DLGAP2: variants seen among roughly 807,000 people sequenced by gnomAD.
DLGAP2 encodes the protein disks large-associated protein 2.
Under a neutral mutation model 100.3 loss-of-function variants are expected in DLGAP2, and 26 were observed. The ratio of observed to expected loss-of-function variants is 0.26; its 90% confidence interval spans 0.19 to 0.36. The LOEUF is 0.36. Among genes scored for constraint, DLGAP2 ranks in the 10% least tolerant of loss-of-function variants. The pLI is 1.00. For missense variants in DLGAP2, 1,858 were observed against 1,453.2 expected, an observed-to-expected ratio of 1.28 and a Z score of -4.53; for synonymous variants, 886 against 630.1, an observed-to-expected ratio of 1.41 and a Z score of -6.08.
intron 6 of DLGAP2, among the ~76,000 whole-genome samples, chr8:1,580,013 G>T (rs561246471): frequency 1.3e-5 from 2 of 152,294 alleles, no homozygotes; most frequent in East Asian, 3.9e-4. Context: ...AAGCCTGATG[G>T]AATAAGAGCC....
chr8:1,688,651 A>G (rs1799174515), intron 12 of DLGAP2, among the ~76,000 whole-genome samples: 1 of 152,226 alleles, frequency 6.6e-6, no homozygotes, highest in Admixed American at 6.5e-5. Context: ...GAAAGGTTTC[A>G]TAATAAAACT....
intron 3 of DLGAP2, among the ~76,000 whole-genome samples, chr8:1,273,219 A>G (rs73170405): frequency 0.22 from 33,818 of 152,130 alleles, 4,151 homozygotes; most frequent in Non-Finnish European, 0.28. Context: ...ACCAGCCACA[A>G]ACACACATGC....
At chr8:1,273,638 C>A (rs1184947182) in intron 3 of DLGAP2, among the ~76,000 whole-genome samples, 1 of 152,206 alleles carries the variant, frequency 6.6e-6, no homozygotes, top group Non-Finnish European at 1.5e-5. Context: ...TCTGCACAAG[C>A]CCTTGGAGTT....
intron 1 of DLGAP2, among the ~76,000 whole-genome samples, chr8:772,373 A>G (rs1821386323): frequency 6.6e-6 from 1 of 152,186 alleles, no homozygotes; most frequent in Non-Finnish European, 1.5e-5. Context: ...CCGAGGCTGG[A>G]GTGCAGTGGC....
chr8:742,504 A>G (rs1053600498), intron 1 of DLGAP2, among the ~76,000 whole-genome samples: 19 of 152,186 alleles, frequency 1.2e-4, no homozygotes, highest in African/African-American at 4.6e-4. Context: ...TGACTTTTGC[A>G]CAGCATTGCA....
In DLGAP2 at chr8:829,851, A is replaced by G. The variant is rs565929219; in HGVS notation, c.19-78061A>G. On this transcript the variant is annotated intron_variant, in intron 1 of 14. Transcript: ENST00000637795. ...ATGGTGCTTTCCTTGTCAATCAAAT[A>G]TTCAAAATGTGTTCATAGCCATGAG... 2.0e-5 allele frequency among the ~76,000 whole-genome samples: 3 copies of G among 152,330 alleles called. No individual in the cohort carries two copies. In the South Asian group the frequency reaches 6.2e-4, roughly 32 times the overall value.
At chr8:1,333,872 C>T (rs1801213468) in intron 3 of DLGAP2, among the ~76,000 whole-genome samples, 1 of 152,250 alleles carries the variant, frequency 6.6e-6, no homozygotes, top group African/African-American at 2.4e-5. Context: ...GCAGGGGGAA[C>T]AGAAAGTCAG....
intron 2 of DLGAP2, among the ~76,000 whole-genome samples, chr8:1,203,829 C>T (rs1797934116): frequency 6.6e-6 from 1 of 152,080 alleles, no homozygotes. Context: ...GTGGATGGTG[C>T]AGCAGTCAGG....
At chr8:1,359,342 C>G (rs1246922385) in intron 3 of DLGAP2, among the ~76,000 whole-genome samples, 2 of 152,248 alleles carry the variant, frequency 1.3e-5, no homozygotes, top group African/African-American at 4.8e-5. Context: ...AGGCCAGGCA[C>G]TCCGGCGCAG....
chr8:870,608 C>T (rs779011979), intron 1 of DLGAP2, among the ~76,000 whole-genome samples: 2 of 152,194 alleles, frequency 1.3e-5, no homozygotes, highest in African/African-American at 2.4e-5. Context: ...AGGCACAACA[C>T]AGCCTCATTC....
At chr8:1,121,703 TG>T (rs1796053262) in intron 2 of DLGAP2, among the ~76,000 whole-genome samples, 1 of 84,756 alleles carries the variant, frequency 1.2e-5, no homozygotes, top group Non-Finnish European at 3.6e-5. Context: ...CCTGAACCCA[TG>T]ACCACCCATC....
intron 6 of DLGAP2, among the ~76,000 whole-genome samples, chr8:1,620,968 G>C (rs1185875708): frequency 2.0e-5 from 3 of 152,050 alleles, no homozygotes; most frequent in Non-Finnish European, 4.4e-5. Flanking sequence ...GACAAACAAT[G>C]CTCACTCCCC....
chr8:974,281 G>C (rs758139210), intron 2 of DLGAP2, among the ~76,000 whole-genome samples: 1 of 152,082 alleles, frequency 6.6e-6, no homozygotes, highest in Admixed American at 6.5e-5. Context: ...AAATAAAATG[G>C]CTCACGTACA....
intron 2 of DLGAP2, chr8:1,002,917 G>C (rs1801002526): frequency 6.6e-6 from 1 of 152,196 alleles, no homozygotes; most frequent in African/African-American, 2.4e-5. Flanking sequence ...CCAATAATCA[G>C]GTTAACACTC....
intron 1 of DLGAP2, among the ~76,000 whole-genome samples, chr8:863,137 T>A (rs1245327472): frequency 2.0e-5 from 3 of 152,212 alleles, no homozygotes; most frequent in Admixed American, 2.0e-4. Context: ...GTATTATTCC[T>A]GTTGCTCACG....
intron 2 of DLGAP2, among the ~76,000 whole-genome samples, chr8:1,158,303 CATT>C (rs1227664775): frequency 6.6e-6 from 1 of 152,218 alleles, no homozygotes; most frequent in Non-Finnish European, 1.5e-5. Flanking sequence ...CAGCAGACGT[CATT>C]ATGTGCGTAC....
rs191189791 is a variant in DLGAP2, at chr8:1,458,853, G to A, written c.107-42513G>A. On this transcript the variant is annotated intron_variant, in intron 3 of 14. Transcript: ENST00000637795. Reference sequence around the variant, plus strand: ...GTGTCCCAGGACAGAGAGCAGGGTCGGGCGTCCCCATGATATGGGGCTCTG... The same window carrying A: ...GTGTCCCAGGACAGAGAGCAGGGTCAGGCGTCCCCATGATATGGGGCTCTG... Among the ~76,000 whole-genome samples, 15 of 152,310 alleles carry A rather than the reference G, an allele frequency of 9.8e-5. No individual in the cohort carries two copies. The East Asian group carries it at 1.7e-3, about 18-fold the overall frequency.
intron 3 of DLGAP2, among the ~76,000 whole-genome samples, chr8:1,462,912 A>T (rs1798501293): frequency 6.6e-6 from 1 of 152,186 alleles, no homozygotes. Flanking sequence ...GCTCAAACAC[A>T]TGTTGCCCTC....
chr8:1,455,069 A>G (rs143430128), intron 3 of DLGAP2, among the ~76,000 whole-genome samples: 358 of 152,320 alleles, frequency 2.4e-3, no homozygotes, highest in Middle Eastern at 0.01. Flanking sequence ...AAGGTTCCAG[A>G]CACATCATCA....
Sources: gnomAD v4.1 joint callset for allele counts (sites outside exome capture counted in the v4.1 genomes callset) on GRCh38, gnomAD v4.1.1 for gene constraint, MANE v1.5 for transcripts, NCBI Gene and HGNC (gene_info 2026-07-23, HGNC 2026-07-21) for gene names.